The following F5 variants were observed in gnomAD, a reference collection of about 807,000 sequenced individuals.
F5 encodes the protein coagulation factor V.
F5 carries 138 observed loss-of-function variants against 216.4 expected under a neutral mutation model. The observed-to-expected ratio is 0.64, with a 90% CI of 0.56 to 0.73. The LOEUF (loss-of-function observed/expected upper bound fraction) is 0.73. Ranked by LOEUF, F5 falls within the 30% of genes least tolerant of loss-of-function variation. The probability of loss-of-function intolerance (pLI) is 0.00; values close to 1 mark genes in which losing one functional copy is unlikely to be tolerated. For missense variants in F5, 2,403 were observed against 2,674.0 expected, an observed-to-expected ratio of 0.90 and a Z score of 2.24; for synonymous variants, 916 against 930.7, an observed-to-expected ratio of 0.98 and a Z score of 0.29.
At chr1:169,524,371 G>A (rs9332642) in intron 19 of F5, among the ~76,000 whole-genome samples, 13 of 152,198 alleles carry the variant, frequency 8.5e-5, no homozygotes, top group African/African-American at 3.1e-4. Flanking sequence ...CATATTAATG[G>A]GGACTATAAT....
intron 13 of F5, among the ~76,000 whole-genome samples, chr1:169,538,462 T>C (rs1478904721): frequency 6.6e-6 from 1 of 152,216 alleles, no homozygotes; most frequent in Non-Finnish European, 1.5e-5. Flanking sequence ...GCTGAGTACA[T>C]TTTAAGTGTT....
At chr1:169,546,317 T>C in intron 11 of F5, 125 bp downstream of exon 11, 2 of 1,161,190 alleles carry the variant, frequency 1.7e-6, no homozygotes, top group Admixed American at 2.0e-5. Context: ...GTCTTTGGAC[T>C]GGAAGTGAGG....
intron 15 of F5, 95 bp downstream of exon 15, chr1:169,530,691 G>C: frequency 1.8e-6 from 2 of 1,133,622 alleles, no homozygotes; most frequent in Non-Finnish European, 2.7e-6. Flanking sequence ...AAGCAAGACA[G>C]ACATTTGACA....
At chr1:169,575,926 C>T (rs1233060294) in intron 2 of F5, among the ~76,000 whole-genome samples, 2 of 152,026 alleles carry the variant, frequency 1.3e-5, no homozygotes, top group Non-Finnish European at 2.9e-5. Flanking sequence ...TCTGGGCTGT[C>T]CAGGTGGATC....
intron 10 of F5, among the ~76,000 whole-genome samples, chr1:169,548,837 C>T (rs991577354): frequency 5.3e-5 from 8 of 150,874 alleles, no homozygotes; most frequent in African/African-American, 2.0e-4. Flanking sequence ...CCACTGCTCT[C>T]CAGCCTGGGT....
In F5 at chr1:169,523,796, C is replaced by CA. The variant is rs1488814862; in HGVS notation, c.5892+4dup. ...AGTAAATATTATCAGTCTATTAAGA[C>CA]AAACCTGGATCCAAGGTTTAGAGGC... is the stretch of plus-strand genomic sequence containing the variant. On this transcript the variant is annotated splice_donor_region_variant and intron_variant, in intron 20 of 24. Transcript: ENST00000367797. 6.2e-7 allele frequency: 1 copy of CA among 1,604,510 alleles called. No homozygotes were observed. The highest frequency in any genetic ancestry group is 8.5e-7 in the Non-Finnish European group (1 of 1,171,730).
Position 169,586,270 on chromosome 1 carries a change from C to G in F5, c.117G>C (p.Gln39His). 6.2e-7 allele frequency: 1 copy of G among 1,614,212 alleles called. No individual in the cohort carries two copies. The highest frequency in any genetic ancestry group is 2.2e-5 in the East Asian group (1 of 44,880). The change falls in exon 1 of 25, where the codon CAG (glutamine) becomes CAC (histidine). Residue 39 changes from glutamine (Q) to histidine (H), a missense_variant. By Grantham distance (24) the Gln-to-His change is conservative (BLOSUM62 0). Around this residue, in one of 4 missense-constraint regions of F5, gnomAD observed 1,425 missense variants for 1,554.8 expected, o/e 0.92. Transcript: ENST00000367797. ...CAGGTCGGTAGCTCCAACTGATGCC[C>G]TGAGCAGCCACGTAGAACTGCCTTA... ...AQLRQFYVAAQGISWSYRPEP... is the reference protein window; with the variant it reads ...AQLRQFYVAAHGISWSYRPEP...
At chr1:169,573,496 G>A (rs1300163520) in intron 2 of F5, among the ~76,000 whole-genome samples, 1 of 152,104 alleles carries the variant, frequency 6.6e-6, no homozygotes. Flanking sequence ...CATTTTTGTA[G>A]GTAAGGCAAA....
chr1:169,525,865 C>A, intron 18 of F5, 36 bp downstream of exon 18: 1 of 1,457,556 alleles, frequency 6.9e-7, no homozygotes, highest in Non-Finnish European at 9.6e-7. Context: ...TAGGCACTCT[C>A]CTGCCAAACC....
intron 3 of F5, among the ~76,000 whole-genome samples, chr1:169,564,441 TG>T (rs1194694372): frequency 6.6e-6 from 1 of 152,064 alleles, no homozygotes; most frequent in Non-Finnish European, 1.5e-5. Context: ...CTGCTTGTGC[TG>T]TTCCCTGGAA....
rs1242107251 is a variant in F5 at position 169,513,147 on chromosome 1, G to A, written c.*1166C>T. On this transcript the variant is annotated 3_prime_UTR_variant, in exon 25 of 25. Coordinates refer to ENST00000367797, the MANE Select transcript of F5 (RefSeq NM_000130.5). ...CTGAGAGATTGTTATGAATTTCGTT[G>A]ATAAAATTTTATATATTTATGGTAT... Among the ~76,000 whole-genome samples the A allele has an allele frequency of 6.6e-6, 1 of 151,552 alleles. No individual in the cohort carries two copies. Among genetic ancestry groups the A allele is most frequent in the Non-Finnish European group, 1.5e-5 (1 of 67,858 alleles).
chr1:169,531,244 C>T (rs773072460), intron 14 of F5, among the ~76,000 whole-genome samples: 70 of 152,270 alleles, frequency 4.6e-4, no homozygotes, highest in Admixed American at 7.8e-4. Flanking sequence ...TGTTCTTAGG[C>T]TCAAGGCTAA....
In F5 at chr1:169,542,915, A is replaced by G. The variant is rs756564005; in HGVS notation, c.2175T>C (p.Asp725=). Residue 725 remains aspartate, a synonymous_variant, in exon 13 of 25, where the codon GAT becomes GAC. Coordinates refer to ENST00000367797, the MANE Select transcript of F5 (RefSeq NM_000130.5). ...PEDEESDADY[D]YQNRLAAALG... ...ATGCTGCAGCCAGTCTGTTCTGGTA[A>G]TCATAGTCAGCATCACTCTCTTCAT... 3 of 1,613,992 alleles carry G rather than the reference A, an allele frequency of 1.9e-6. No homozygotes were observed. The highest frequency in any genetic ancestry group is 1.3e-5 in the African/African-American group (1 of 74,906).
intron 17 of F5, 45 bp downstream of exon 17, chr1:169,527,870 C>T: frequency 6.2e-7 from 1 of 1,607,628 alleles, no homozygotes; most frequent in East Asian, 2.2e-5. Context: ...TTGCCTTTTC[C>T]CTGTATTTCT....
intron 3 of F5, among the ~76,000 whole-genome samples, chr1:169,570,583 T>G (rs1660700185): frequency 6.6e-6 from 1 of 152,254 alleles, no homozygotes; most frequent in African/African-American, 2.4e-5. Flanking sequence ...AGCCAAAGAT[T>G]AAGTGCTAAT....
intron 2 of F5, among the ~76,000 whole-genome samples, chr1:169,579,383 C>T (rs1051931092): frequency 1.3e-5 from 2 of 152,286 alleles, no homozygotes; most frequent in Admixed American, 6.5e-5. Context: ...CTCTTCTCAT[C>T]ACATCCTCCC....
Position 169,518,508 on chromosome 1 carries a change from T to C in F5, c.6249A>G (p.Thr2083=). 4 of 1,613,970 alleles carry C rather than the reference T, an allele frequency of 2.5e-6. No homozygotes were observed. The highest frequency in any genetic ancestry group is 3.4e-6 in the Non-Finnish European group (4 of 1,179,910). ...ENGKIENKQI[T]ASSFKKSWWG... The stretch of plus-strand genomic sequence containing the variant: ...ACCAAGATTTCTTAAACGAAGAAGC[T>C]GTGATTTGCTTGTTTTCTATCTTTC... The change falls in exon 23 of 25, where the codon ACA becomes ACG. Residue 2083 remains threonine (T), a synonymous_variant. Coordinates refer to ENST00000367797, the MANE Select transcript of F5 (RefSeq NM_000130.5).
At chr1:169,566,358 A>G (rs1382400362) in intron 3 of F5, among the ~76,000 whole-genome samples, 1 of 152,096 alleles carries the variant, frequency 6.6e-6, no homozygotes, top group Admixed American at 6.6e-5. Flanking sequence ...TATTCTTTGC[A>G]GGGTAGGAGA....
rs776545479 is a variant in F5 at position 169,540,384 on chromosome 1, G to A, written c.4706C>T (p.Ala1569Val). Reference sequence around the variant, plus strand: ...TCCATTGTTGCTGCGGAGGTACCATGCTGCAATGTTGTCAGGATCTCTGGA... The same window carrying A: ...TCCATTGTTGCTGCGGAGGTACCATACTGCAATGTTGTCAGGATCTCTGGA... Reference protein sequence around the residue: ...NSSRDPDNIAAWYLRSNNGNR... With the variant: ...NSSRDPDNIAVWYLRSNNGNR... Residue 1569 changes from alanine (A) to valine (V), a missense_variant, in exon 13 of 25, where the codon GCA becomes GTA. Ala to Val is a moderately conservative substitution (Grantham distance 64, BLOSUM62 0). Transcript: ENST00000367797. The A allele has an allele frequency of 5.6e-6, 9 of 1,614,006 alleles. No individual in the cohort carries two copies. Among genetic ancestry groups the A allele is most frequent in the East Asian group, 2.2e-5 (1 of 44,878 alleles).
Sources: gnomAD v4.1 joint callset for allele counts (sites outside exome capture counted in the v4.1 genomes callset) on GRCh38, gnomAD v4.1.1 for gene constraint, gnomAD v4.1.1 regional missense constraint, MANE v1.5 for transcripts, NCBI Gene and HGNC (gene_info 2026-07-23, HGNC 2026-07-21) for gene names.